The following UBE2Q2 variants were observed in gnomAD, a reference collection of about 807,000 sequenced individuals.
The protein encoded by UBE2Q2 is ubiquitin-conjugating enzyme E2 Q2.
A neutral mutation model predicts 59.9 loss-of-function variants in UBE2Q2; 54 were observed. That is an observed-to-expected ratio of 0.90 (90% CI 0.72 to 1.13). The LOEUF (loss-of-function observed/expected upper bound fraction) is 1.13. Among genes scored for constraint, UBE2Q2 ranks in the 50% most tolerant of loss-of-function variants. UBE2Q2 has a pLI of 0.00. For missense variants in UBE2Q2, 433 were observed against 441.9 expected, an observed-to-expected ratio of 0.98 and a Z score of 0.18; for synonymous variants, 165 against 155.2, an observed-to-expected ratio of 1.06 and a Z score of -0.47.
chr15:75,860,109 A>G (rs1897134503), intron 3 of UBE2Q2, 127 bp downstream of exon 3: 4 of 728,354 alleles, frequency 5.5e-6, no homozygotes, highest in African/African-American at 1.8e-5. Context: ...TTCCTATTGA[A>G]TTGTTTTGTT....
intron 3 of UBE2Q2, among the ~76,000 whole-genome samples, chr15:75,861,449 C>CT (rs1897203957): frequency 6.6e-6 from 1 of 152,042 alleles, no homozygotes; most frequent in Non-Finnish European, 1.5e-5. Flanking sequence ...TAGTGTGGGT[C>CT]TTTTTTCACT....
intron 3 of UBE2Q2, among the ~76,000 whole-genome samples, chr15:75,866,139 C>T (rs551216621): frequency 6.6e-6 from 1 of 151,730 alleles, no homozygotes; most frequent in African/African-American, 2.4e-5. Context: ...ATGATTTTCT[C>T]TGTAACTGTA....
intron 10 of UBE2Q2, 91 bp downstream of exon 10, chr15:75,890,574 C>T: frequency 2.7e-6 from 3 of 1,101,036 alleles, no homozygotes; most frequent in Non-Finnish European, 4.0e-6. Flanking sequence ...TTTAATAGCT[C>T]CTACTCTTAA....
intron 2 of UBE2Q2, among the ~76,000 whole-genome samples, chr15:75,856,762 G>T (rs1896940179): frequency 6.6e-6 from 1 of 152,018 alleles, no homozygotes; most frequent in Non-Finnish European, 1.5e-5. Context: ...TGGCCAACAT[G>T]GCGAAACCCC....
intron 8 of UBE2Q2, 90 bp from the exon 9 acceptor site, chr15:75,883,276 C>T (rs1477710480): frequency 2.5e-6 from 3 of 1,201,546 alleles, no homozygotes; most frequent in Non-Finnish European, 3.6e-6. Flanking sequence ...TAAATGTACA[C>T]ATTCTTTATA....
chr15:75,864,690 C>T (rs949750560), intron 3 of UBE2Q2, among the ~76,000 whole-genome samples: 9 of 150,382 alleles, frequency 6.0e-5, no homozygotes, highest in Non-Finnish European at 1.2e-4. Context: ...GCCGTTTTCA[C>T]TTCAAAAGTT....
chr15:75,881,461 A>G (rs1898423791), intron 8 of UBE2Q2, among the ~76,000 whole-genome samples: 1 of 152,148 alleles, frequency 6.6e-6, no homozygotes, highest in African/African-American at 2.4e-5. Flanking sequence ...TTTCTGGACC[A>G]TGGCTCCTGA....
chr15:75,891,485 G>GTT (rs150289149), intron 11 of UBE2Q2, among the ~76,000 whole-genome samples: 94 of 145,918 alleles, frequency 6.4e-4, no homozygotes, highest in South Asian at 2.6e-3. Flanking sequence ...TGCTTACCAA[G>GTT]TTTTTTTTTT....
chr15:75,887,056 G>A (rs1234920337), intron 9 of UBE2Q2, among the ~76,000 whole-genome samples: 1 of 151,812 alleles, frequency 6.6e-6, no homozygotes, highest in African/African-American at 2.4e-5. Context: ...TTTCTTAATT[G>A]ATTCTTTTTT....
intron 2 of UBE2Q2, among the ~76,000 whole-genome samples, chr15:75,856,433 ACT>A (rs1462370844): frequency 6.6e-6 from 1 of 152,084 alleles, no homozygotes; most frequent in African/African-American, 2.4e-5. Flanking sequence ...TTGTATACTA[ACT>A]CTGTTCCAGA....
rs143235630 is a variant in UBE2Q2 at position 75,856,064 on chromosome 15, G to C, written c.282+1577G>C. ...TAGCAGGGTGTAGTGGCACACACTT[G>C]TAGTCCCAACTACTGAGGAGGCTGA... On this transcript the variant is annotated intron_variant, in intron 2 of 12. Transcript: ENST00000267938. Among the ~76,000 whole-genome samples the C allele has an allele frequency of 8.2e-4, 124 of 152,126 alleles. 1 individual carries two copies. The East Asian group carries it at 0.02, about 24-fold the overall frequency.
At chr15:75,875,282 G>A (rs1428981491) in intron 5 of UBE2Q2, among the ~76,000 whole-genome samples, 3 of 75,670 alleles carry the variant, frequency 4.0e-5, no homozygotes, top group Non-Finnish European at 5.6e-5. Flanking sequence ...TATGAAATGA[G>A]CTAGGAAACT....
At chr15:75,879,586 A>G (rs995946369) in intron 8 of UBE2Q2, among the ~76,000 whole-genome samples, 1 of 152,250 alleles carries the variant, frequency 6.6e-6, no homozygotes, top group Non-Finnish European at 1.5e-5. Context: ...TGATTAGGGC[A>G]TGCATTCTTA....
At chr15:75,897,164 T>A in intron 12 of UBE2Q2, 103 bp downstream of exon 12, 1 of 492,434 alleles carries the variant, frequency 2.0e-6, no homozygotes, top group Non-Finnish European at 3.4e-6. Flanking sequence ...TTTCTTAAAA[T>A]GCTGTTACCA....
chr15:75,899,434 C>T lies in UBE2Q2; in HGVS notation c.1104C>T (p.Tyr368=). ...IVQIHEKNGW[Y]TPPKEDG ...TTTTTCATTCTATTTCAGGCTGGTA[C>T]ACCCCTCCAAAGGAAGATGGCTAAA... The change falls in exon 13 of 13, where the codon TAC becomes TAT. Residue 368 remains tyrosine (Y), a synonymous_variant. Coordinates refer to ENST00000267938, the MANE Select transcript of UBE2Q2 (RefSeq NM_173469.4). The T allele has an allele frequency of 6.3e-7, 1 of 1,587,712 alleles. No individual in the cohort carries two copies.
At chr15:75,893,918 C>G (rs1198903971) in intron 11 of UBE2Q2, among the ~76,000 whole-genome samples, 6 of 152,190 alleles carry the variant, frequency 3.9e-5, no homozygotes, top group Non-Finnish European at 7.4e-5. Flanking sequence ...CTCTCCCTCC[C>G]TCTTCCTGTC....
At chr15:75,873,652 T>C (rs1030783866) in intron 5 of UBE2Q2, 84 bp downstream of exon 5, 1 of 1,431,152 alleles carries the variant, frequency 7.0e-7, no homozygotes, top group Non-Finnish European at 9.5e-7. Flanking sequence ...AACATGCCCA[T>C]CTCAGCTGCC....
At position 75,876,176 on chromosome 15, in the gene UBE2Q2, T is replaced by C. The variant is rs778648982; in HGVS notation, c.589-11T>C. 6.2e-7 allele frequency: 1 copy of C among 1,613,730 alleles called. No individual in the cohort carries two copies. ...AGCAGACCCTGGTAAACAGTGGCTT[T>C]TGTGTTTCAGGGTGCAGTGTCTGGG... is the stretch of plus-strand genomic sequence containing the variant. On this transcript the variant is annotated splice_polypyrimidine_tract_variant and intron_variant, in intron 5 of 12. Coordinates refer to ENST00000267938, the MANE Select transcript of UBE2Q2 (RefSeq NM_173469.4).
chr15:75,876,249 C>T lies in UBE2Q2; in HGVS notation c.651C>T (p.Tyr217=), dbSNP rs762197420. The T allele has an allele frequency of 4.5e-5, 73 of 1,613,656 alleles. No homozygotes were observed. Among genetic ancestry groups the T allele is most frequent in the Non-Finnish European group, 6.1e-5 (72 of 1,179,792 alleles). The change falls in exon 6 of 13, where the codon TAC becomes TAT. Residue 217 remains tyrosine (Y), a synonymous_variant. Transcript: ENST00000267938. ...TTATGAAAGAGCTCAGGGACATATA[C>T]AGATCACAGAGTTATAAAACAGGTA... ...DRLMKELRDI[Y]RSQSYKTGIY... is the part of the protein sequence containing the mutation.
Sources: gnomAD v4.1 joint callset for allele counts (sites outside exome capture counted in the v4.1 genomes callset) on GRCh38, gnomAD v4.1.1 for gene constraint, MANE v1.5 for transcripts, NCBI Gene and HGNC (gene_info 2026-07-23, HGNC 2026-07-21) for gene names.